BAIAP2: variants seen among roughly 807,000 people sequenced by gnomAD.
BAIAP2 encodes BAR/IMD domain containing adaptor protein 2, also known as BAR/IMD domain-containing adapter protein 2.
BAIAP2 carries 18 observed loss-of-function variants against 63.0 expected under a neutral mutation model. The ratio of observed to expected loss-of-function variants is 0.29; its 90% confidence interval spans 0.20 to 0.42. The LOEUF is 0.42. Among genes scored for constraint, BAIAP2 ranks in the 10% least tolerant of loss-of-function variants. The pLI is 1.00. For missense variants in BAIAP2, 610 were observed against 734.3 expected (o/e 0.83, Z 1.96); for synonymous variants, 386 against 307.6 (o/e 1.25, Z -2.67).
intron 1 of BAIAP2, among the ~76,000 whole-genome samples, chr17:81,036,267 C>T (rs746095502): frequency 7.9e-5 from 12 of 152,222 alleles, no homozygotes; most frequent in Admixed American, 2.0e-4. Flanking sequence ...GTCCCTGGGT[C>T]CTGGGCGATC....
At chr17:81,068,587 C>T (rs1448021462) in intron 3 of BAIAP2, among the ~76,000 whole-genome samples, 1 of 152,224 alleles carries the variant, frequency 6.6e-6, no homozygotes, top group African/African-American at 2.4e-5. Context: ...CCGCAGTCAG[C>T]AGCCGCACAG....
At chr17:81,112,599 A>G (rs1054271194) in intron 13 of BAIAP2, among the ~76,000 whole-genome samples, 2 of 152,212 alleles carry the variant, frequency 1.3e-5, no homozygotes, top group African/African-American at 4.8e-5. Flanking sequence ...AGAAGGGCCC[A>G]CCTTCTGAAG....
intron 7 of BAIAP2, 91 bp from the exon 8 acceptor site, chr17:81,103,411 G>GAGA: frequency 2.4e-6 from 3 of 1,234,114 alleles, no homozygotes; most frequent in Non-Finnish European, 3.4e-6. Context: ...TCCAGCCCCA[G>GAGA]AGAGTGCTCA....
At chr17:81,035,843 C>G (rs1022041685) in intron 1 of BAIAP2, among the ~76,000 whole-genome samples, 1 of 152,214 alleles carries the variant, frequency 6.6e-6, no homozygotes, top group Non-Finnish European at 1.5e-5. Context: ...ACTTCATTCT[C>G]AACAGGCTTT....
intron 11 of BAIAP2, 151 bp from the exon 12 acceptor site, chr17:81,106,594 A>C: frequency 1.1e-6 from 1 of 876,882 alleles, no homozygotes; most frequent in Non-Finnish European, 1.7e-6. Flanking sequence ...GGCCCGGCCC[A>C]TGGTCCCCAG....
Position 81,085,699 on chromosome 17 carries a change from G to T in BAIAP2, c.325G>T (p.Val109Leu). The change falls in exon 5 of 14, where the codon GTG becomes TTG. Residue 109 changes from valine to leucine, a missense_variant. Physicochemically the swap from Val to Leu is conservative, Grantham distance 32. Coordinates refer to ENST00000428708, the MANE Select transcript of BAIAP2 (RefSeq NM_001144888.2). Reference protein sequence around the residue: ...NELLTQLEQKVELDSRYLSAA... With the variant: ...NELLTQLEQKLELDSRYLSAA... Reference sequence around the variant, plus strand: ...GCTGCTTACGCAGCTGGAGCAGAAGGTGGAGCTGGACTCCAGGTATCTGAG... The same window carrying T: ...GCTGCTTACGCAGCTGGAGCAGAAGTTGGAGCTGGACTCCAGGTATCTGAG... 2 of 1,613,838 alleles carry T rather than the reference G, an allele frequency of 1.2e-6. No homozygotes were observed. The highest frequency in any genetic ancestry group is 1.7e-6 in the Non-Finnish European group (2 of 1,180,014).
At chr17:81,108,145 C>CG in intron 12 of BAIAP2, 1 of 427,578 alleles carries the variant, frequency 2.3e-6, no homozygotes, top group Non-Finnish European at 4.2e-6. Context: ...AGGTGCCCTG[C>CG]GGGGGCCTCG....
In BAIAP2 at chr17:81,035,279, A is replaced by T; in HGVS notation, c.25A>T (p.Met9Leu). 6.6e-7 allele frequency: 1 copy of T among 1,517,880 alleles called. No individual in the cohort carries two copies. Among genetic ancestry groups the T allele is most frequent in the East Asian group, 2.8e-5 (1 of 35,778 alleles). The allele number at this position is 1,517,880 out of a possible 1,614,324, so 94.0% of individuals were successfully genotyped here. ...CATGTCTCTGTCTCGCTCAGAGGAG[A>T]TGCACCGGCTCACGGAAAATGTCTA... MSLSRSEE[M>L]HRLTENVYKT... is the part of the protein sequence containing the mutation. Residue 9 changes from methionine to leucine, a missense_variant, in exon 1 of 14, where the codon ATG (methionine) becomes TTG (leucine). By Grantham distance (15) the Met-to-Leu change is conservative. Transcript: ENST00000428708.
chr17:81,063,885 C>G (rs2051015538), intron 3 of BAIAP2: 1 of 152,420 alleles, frequency 6.6e-6, no homozygotes, highest in African/African-American at 2.4e-5. Flanking sequence ...GGGAATGAGC[C>G]AGGCCCTCAG....
At chr17:81,048,411 A>G (rs1185383842) in intron 1 of BAIAP2, among the ~76,000 whole-genome samples, 2 of 150,590 alleles carry the variant, frequency 1.3e-5, no homozygotes, top group African/African-American at 4.9e-5. Context: ...GGTGGACCCC[A>G]GCACGGCCCA....
chr17:81,057,825 G>C (rs1194080591), intron 2 of BAIAP2, 56 bp from the exon 3 acceptor site: 2 of 1,567,980 alleles, frequency 1.3e-6, no homozygotes, highest in Non-Finnish European at 1.7e-6. Context: ...GTTTTTGCTG[G>C]GGGTCTTGTC....
At chr17:81,084,987 C>G in intron 4 of BAIAP2, 94 bp downstream of exon 4, 2 of 1,295,760 alleles carry the variant, frequency 1.5e-6, no homozygotes, top group Non-Finnish European at 2.2e-6. Context: ...TGGGAACAGT[C>G]CCAGTTGTCC....
chr17:81,080,041 C>T (rs1489864152), intron 3 of BAIAP2, among the ~76,000 whole-genome samples: 1 of 152,238 alleles, frequency 6.6e-6, no homozygotes, highest in Non-Finnish European at 1.5e-5. Context: ...CGTCTTCAGG[C>T]CCCTGAAGGA....
intron 6 of BAIAP2, among the ~76,000 whole-genome samples, chr17:81,090,601 C>A (rs1162051683): frequency 6.6e-6 from 1 of 152,256 alleles, no homozygotes; most frequent in Non-Finnish European, 1.5e-5. Flanking sequence ...ACAGAGGGAG[C>A]CACACCCCGG....
chr17:81,080,685 T>A (rs1258342905), intron 3 of BAIAP2, among the ~76,000 whole-genome samples: 1 of 152,212 alleles, frequency 6.6e-6, no homozygotes, highest in Non-Finnish European at 1.5e-5. Flanking sequence ...ACGTGCTTGT[T>A]ATCTGGTCTT....
intron 13 of BAIAP2, chr17:81,110,281 G>A: frequency 1.0e-6 from 1 of 985,970 alleles, no homozygotes; most frequent in Non-Finnish European, 1.2e-6. Flanking sequence ...CTCAAGGGCG[G>A]ACCGGGCCCT....
intron 6 of BAIAP2, among the ~76,000 whole-genome samples, chr17:81,092,107 C>T (rs762300120): frequency 3.5e-4 from 54 of 152,362 alleles, no homozygotes; most frequent in Admixed American, 7.8e-4. Flanking sequence ...CTCAGCGACC[C>T]AAGAGCTGGG....
chr17:81,040,906 G>A lies in BAIAP2; in HGVS notation c.54+5598G>A, dbSNP rs528127685. Among the ~76,000 whole-genome samples the A allele has an allele frequency of 1.1e-4, 16 of 152,320 alleles. No individual in the cohort carries two copies. In the South Asian group the frequency reaches 3.1e-3, roughly 30 times the overall value. The stretch of plus-strand genomic sequence containing the variant: ...ACAAGGGGACCAGAAAGCCCAGGGA[G>A]CAAGAGTGGAGGAGGCTGTGGAGAT... On this transcript the variant is annotated intron_variant, in intron 1 of 13. Coordinates refer to ENST00000428708, the MANE Select transcript of BAIAP2 (RefSeq NM_001144888.2).
chr17:81,105,173 A>T (rs9895899), intron 10 of BAIAP2: 16 of 122,874 alleles, frequency 1.3e-4, no homozygotes, highest in South Asian at 8.5e-4. Flanking sequence ...CCCCAATGGC[A>T]GGGGTCTCCC....
Sources: allele counts gnomAD v4.1 joint callset (sites outside exome capture counted in the v4.1 genomes callset), GRCh38; gene constraint gnomAD v4.1.1; transcripts MANE v1.5; gene names NCBI Gene and HGNC (gene_info 2026-07-23, HGNC 2026-07-21).